Variants in PRKN observed in about 807,000 individuals in gnomAD.
PRKN encodes parkin RBR E3 ubiquitin protein ligase, also known as E3 ubiquitin-protein ligase parkin.
PRKN carries 56 observed loss-of-function variants against 59.5 expected under a neutral mutation model. The observed-to-expected ratio is 0.94, with a 90% CI of 0.76 to 1.18. PRKN has a LOEUF of 1.18. Ranked by LOEUF, PRKN falls within the 50% of genes most tolerant of loss-of-function variation. PRKN has a pLI of 0.00. For synonymous variants in PRKN, 250 were observed against 222.1 expected, an observed-to-expected ratio of 1.13 and a Z score of -1.12; for missense variants, 657 against 596.4, an observed-to-expected ratio of 1.10 and a Z score of -1.06.
At position 161,352,420 on chromosome 6, in the gene PRKN, C is replaced by T. The variant is rs1177948551; in HGVS notation, c.1286-2209G>A. On this transcript the variant is annotated intron_variant, in intron 11 of 11. Transcript: ENST00000366898. This position sits in a 1 kb window ranked among gnomAD's most constrained non-coding sequence, Gnocchi z 5.8. ...AACTTACAACACTTTTATCTTCATA[C>T]TTTCCACTTAGGTTTGTGCCATTTT... is the stretch of plus-strand genomic sequence containing the variant. 1.3e-5 allele frequency among the ~76,000 whole-genome samples: 2 copies of T among 152,064 alleles called. No homozygotes were observed. The highest frequency in any genetic ancestry group is 2.4e-5 in the African/African-American group (1 of 41,410).
In PRKN at chr6:162,597,793, C is replaced by T. The variant is rs144411930; in HGVS notation, c.7+129869G>A. Among the ~76,000 whole-genome samples the T allele has an allele frequency of 2.8e-4, 43 of 152,254 alleles. No homozygotes were observed. In the East Asian group the frequency reaches 8.3e-3, roughly 29 times the overall value. ...CAGGGCCTGGTCCCCCACAGGGTGA[C>T]TTCCACTAAGTCCTTTCAGGTTACA... On this transcript the variant is annotated intron_variant, in intron 1 of 11. Coordinates refer to ENST00000366898, the MANE Select transcript of PRKN (RefSeq NM_004562.3).
intron 1 of PRKN, among the ~76,000 whole-genome samples, chr6:162,573,932 T>G (rs1207657870): frequency 1.3e-5 from 2 of 152,066 alleles, no homozygotes; most frequent in East Asian, 1.9e-4. Flanking sequence ...GGGGAAGTGG[T>G]TGGATTCCCA....
intron 3 of PRKN, among the ~76,000 whole-genome samples, chr6:162,208,738 C>T (rs887763641): frequency 1.3e-5 from 2 of 152,152 alleles, no homozygotes. Flanking sequence ...CACAGCTTTC[C>T]AAAAGTTGAA....
rs545431255 is a variant in PRKN, at chr6:162,014,865, G to A, written c.618+39226C>T. Among the ~76,000 whole-genome samples, 220 of 151,926 alleles carry A rather than the reference G, an allele frequency of 1.4e-3. 1 individual carries two copies. The highest frequency in any genetic ancestry group is 2.8e-3 in the Non-Finnish European group (189 of 67,940). On this transcript the variant is annotated intron_variant, in intron 5 of 11. Coordinates refer to ENST00000366898, the MANE Select transcript of PRKN (RefSeq NM_004562.3). ...AATTACTCCACCTCAGTGTGTAGAG[G>A]TCTTTCTCATGCCTTTTTCCCAGCT...
At chr6:162,532,627 G>A (rs532087251) in intron 1 of PRKN, among the ~76,000 whole-genome samples, 13 of 152,246 alleles carry the variant, frequency 8.5e-5, no homozygotes, top group African/African-American at 2.4e-4. Flanking sequence ...ATTAACTTCC[G>A]TCTGAATTAA....
chr6:162,641,352 AT>A (rs1046261600), intron 1 of PRKN, among the ~76,000 whole-genome samples: 7 of 151,046 alleles, frequency 4.6e-5, no homozygotes, highest in Middle Eastern at 3.4e-3. Flanking sequence ...TTACACTGAA[AT>A]TTTTTTTTTC....
chr6:161,728,436 C>T (rs958196611), intron 7 of PRKN, among the ~76,000 whole-genome samples: 1 of 152,172 alleles, frequency 6.6e-6, no homozygotes, highest in Non-Finnish European at 1.5e-5. Flanking sequence ...TCCCACCAGA[C>T]TCGCACTGCA....
At chr6:162,306,031 T>C (rs1391516425) in intron 2 of PRKN, among the ~76,000 whole-genome samples, 1 of 152,190 alleles carries the variant, frequency 6.6e-6, no homozygotes, top group African/African-American at 2.4e-5. Context: ...GACCAAATCT[T>C]CTATAACCTT....
At chr6:161,959,245 C>T (rs1476699254) in intron 6 of PRKN, among the ~76,000 whole-genome samples, 2 of 152,170 alleles carry the variant, frequency 1.3e-5, no homozygotes, top group Non-Finnish European at 2.9e-5. Context: ...AGGCGTGTGG[C>T]CAGGGATGGC....
intron 6 of PRKN, among the ~76,000 whole-genome samples, chr6:161,877,487 C>T (rs539028258): frequency 6.8e-6 from 1 of 146,674 alleles, no homozygotes; most frequent in East Asian, 2.0e-4. Flanking sequence ...TGAGACAGAG[C>T]CTCGTTGTGT....
intron 4 of PRKN, among the ~76,000 whole-genome samples, chr6:162,153,519 C>T (rs1430517790): frequency 6.6e-6 from 1 of 152,156 alleles, no homozygotes; most frequent in Non-Finnish European, 1.5e-5. Context: ...CTTCCCTCTG[C>T]CAGTGAGGGC....
rs544264338 is a variant in PRKN, at chr6:161,442,668, C to T, written c.1084-55791G>A. Among the ~76,000 whole-genome samples the T allele has an allele frequency of 3.3e-5, 5 of 152,312 alleles. No individual in the cohort carries two copies. The highest frequency in any genetic ancestry group is 2.0e-4 in the Admixed American group (3 of 15,302). ...GGGCTGGACTCCCAGCTGAAGGTGG[C>T]TTGGAATTTAGCTGTTCCTTCGGGG... On this transcript the variant is annotated intron_variant, in intron 9 of 11. Transcript: ENST00000366898. This position sits in a 1 kb window ranked among gnomAD's most constrained non-coding sequence, Gnocchi z 4.6.
At chr6:162,509,291 T>G (rs1432001840) in intron 1 of PRKN, among the ~76,000 whole-genome samples, 3 of 152,178 alleles carry the variant, frequency 2.0e-5, no homozygotes, top group Admixed American at 6.5e-5. Flanking sequence ...TAGGGACCCT[T>G]TTGTTTGGTT....
chr6:161,643,297 A>G (rs1229277125), intron 7 of PRKN, among the ~76,000 whole-genome samples: 1 of 152,198 alleles, frequency 6.6e-6, no homozygotes, highest in Non-Finnish European at 1.5e-5. Flanking sequence ...GTTAAAACAC[A>G]CAATTAAACC....
At chr6:161,806,995 C>T (rs1303199557) in intron 6 of PRKN, among the ~76,000 whole-genome samples, 2 of 152,178 alleles carry the variant, frequency 1.3e-5, no homozygotes, top group Non-Finnish European at 1.5e-5. Flanking sequence ...TGGTAGTTAC[C>T]GATTTCCAAA....
chr6:162,175,539 T>A (rs1036518266), intron 4 of PRKN, among the ~76,000 whole-genome samples: 2 of 152,192 alleles, frequency 1.3e-5, no homozygotes, highest in African/African-American at 2.4e-5. Context: ...TATTCTATTG[T>A]CAAAAATTCT....
chr6:162,682,970 T>A (rs1351818239), intron 1 of PRKN, among the ~76,000 whole-genome samples: 1 of 152,180 alleles, frequency 6.6e-6, no homozygotes, highest in Non-Finnish European at 1.5e-5. Context: ...TTAAAATGAC[T>A]GTGAGAATAT....
At chr6:161,795,423 G>C (rs1387048979) in intron 6 of PRKN, among the ~76,000 whole-genome samples, 2 of 150,412 alleles carry the variant, frequency 1.3e-5, no homozygotes, top group Non-Finnish European at 3.0e-5. Context: ...TGGTAGAGAT[G>C]GGGTCTCGCC....
intron 1 of PRKN, among the ~76,000 whole-genome samples, chr6:162,475,788 C>T (rs372028106): frequency 3.3e-5 from 5 of 152,218 alleles, no homozygotes; most frequent in Admixed American, 6.5e-5. Flanking sequence ...CTCGCTTTGT[C>T]GCAATCTCAG....
Sources: allele counts gnomAD v4.1 joint callset (sites outside exome capture counted in the v4.1 genomes callset), GRCh38; gene constraint gnomAD v4.1.1; non-coding constraint Gnocchi (gnomAD v3.1); transcripts MANE v1.5; gene names NCBI Gene and HGNC (gene_info 2026-07-23, HGNC 2026-07-21).